DCAF1: variants seen among roughly 807,000 people sequenced by gnomAD.
DCAF1 encodes the protein DDB1- and CUL4-associated factor 1.
A neutral mutation model predicts 128.0 loss-of-function variants in DCAF1; 15 were observed. That is an observed-to-expected ratio of 0.12 (90% CI 0.08 to 0.18). The LOEUF is 0.18. DCAF1 is among the 10% of genes least tolerant of loss of function. DCAF1 has a pLI of 1.00. For synonymous variants in DCAF1, 610 were observed against 603.0 expected (o/e 1.01, Z -0.17); for missense variants, 988 against 1,649.5 (o/e 0.60, Z 6.95).
chr3:51,443,946 A>T, intron 6 of DCAF1, 43 bp from the exon 7 acceptor site: 1 of 1,531,674 alleles, frequency 6.5e-7, no homozygotes, highest in South Asian at 1.3e-5. Context: ...GAAAAAGCCC[A>T]AGTTCATGAT....
At chr3:51,412,109 T>TAAAAAAAA (rs782087400) in intron 23 of DCAF1, among the ~76,000 whole-genome samples, 1 of 29,460 alleles carries the variant, frequency 3.4e-5, no homozygotes, top group African/African-American at 1.4e-4. Context: ...AACTCCATTC[T>TAAAAAAAA]AAAAAAAAAA....
At chr3:51,478,531 T>A (rs1705761552) in intron 3 of DCAF1, among the ~76,000 whole-genome samples, 1 of 152,040 alleles carries the variant, frequency 6.6e-6, no homozygotes, top group Admixed American at 6.6e-5. Flanking sequence ...CATTAATGAC[T>A]CTCCTCCTTT....
Position 51,420,656 on chromosome 3 carries a change from G to C in DCAF1, c.2314C>G (p.Arg772Gly). 1 of 1,614,040 alleles carries C rather than the reference G, an allele frequency of 6.2e-7. No homozygotes were observed. Among genetic ancestry groups the C allele is most frequent in the Non-Finnish European group, 8.5e-7 (1 of 1,179,896 alleles). The change falls in exon 15 of 25, where the codon CGG (arginine) becomes GGG (glycine). Residue 772 changes from arginine to glycine, a missense_variant. Transcript: ENST00000684031. This position sits in a 1 kb window ranked among gnomAD's most constrained non-coding sequence, Gnocchi z 6.5. ...LVGLSRSSTV[R>G]QIISKLPLFS... ...AGGGGCAGTTTACTGATGATCTGCC[G>C]GACAGTGCTACTGCGAGACAGGCCC...
intron 14 of DCAF1, 116 bp from the exon 15 acceptor site, chr3:51,421,113 C>T (rs1212926028): frequency 4.0e-6 from 5 of 1,264,932 alleles, no homozygotes; most frequent in Non-Finnish European, 5.4e-6. Flanking sequence ...AACTATATTA[C>T]TTTTGTAAAA....
chr3:51,484,040 G>A (rs1706607841), intron 2 of DCAF1, among the ~76,000 whole-genome samples: 1 of 152,146 alleles, frequency 6.6e-6, no homozygotes, highest in African/African-American at 2.4e-5. Context: ...CAGTAGTGAT[G>A]AACAAGTACT....
Position 51,398,840 on chromosome 3 carries a change from A to G in DCAF1, c.4466-13T>C, listed in dbSNP as rs782513086. ...TCAGAGCTGTCAGCTGAAAGGGAAGAAAAGGGAGAGACAAGATTACACACT... is the reference window on the plus strand; with the variant it reads ...TCAGAGCTGTCAGCTGAAAGGGAAGGAAAGGGAGAGACAAGATTACACACT... On this transcript the variant is annotated splice_polypyrimidine_tract_variant and intron_variant, in intron 24 of 24. Transcript: ENST00000684031. 2.5e-6 allele frequency: 4 copies of G among 1,577,362 alleles called. No homozygotes were observed. The highest frequency in any genetic ancestry group is 3.4e-6 in the Non-Finnish European group (4 of 1,160,770).
Position 51,398,685 on chromosome 3 carries a change from G to C in DCAF1, c.*84C>G. 2 of 1,519,286 alleles carry C rather than the reference G, an allele frequency of 1.3e-6. No individual in the cohort carries two copies. 94.1% of individuals were successfully genotyped at this position (1,519,286 alleles called of 1,614,324 possible). On this transcript the variant is annotated 3_prime_UTR_variant, in exon 25 of 25. Coordinates refer to ENST00000684031, the MANE Select transcript of DCAF1 (RefSeq NM_001387579.1). ...GCTCCTTAAAAGACAGACAGCCCTGGGAGAAAGAGAAGGGAATATGTTCTG... is the reference window on the plus strand; with the variant it reads ...GCTCCTTAAAAGACAGACAGCCCTGCGAGAAAGAGAAGGGAATATGTTCTG...
chr3:51,441,092 A>C (rs1701317667), intron 8 of DCAF1, 21 bp from the exon 9 acceptor site: 1 of 1,591,678 alleles, frequency 6.3e-7, no homozygotes, highest in Admixed American at 1.8e-5. Flanking sequence ...CACCAAATAC[A>C]AGTCTTAAAT....
chr3:51,495,022 T>A (rs961047927), intron 2 of DCAF1, among the ~76,000 whole-genome samples: 2 of 152,098 alleles, frequency 1.3e-5, no homozygotes, highest in East Asian at 3.9e-4. Flanking sequence ...GTCTCTATTA[T>A]TTAAAAAAAT....
chr3:51,408,960 A>T (rs1295208581), intron 23 of DCAF1, among the ~76,000 whole-genome samples: 6 of 152,142 alleles, frequency 3.9e-5, no homozygotes, highest in Non-Finnish European at 8.8e-5. Context: ...GTCTTCTCTG[A>T]GCTAGAAAGC....
intron 3 of DCAF1, among the ~76,000 whole-genome samples, chr3:51,473,425 C>CTT (rs782196520): frequency 9.4e-5 from 7 of 74,166 alleles, no homozygotes; most frequent in Admixed American, 1.8e-4. Context: ...ACTTTCTAGT[C>CTT]TTTTTTTTTT....
chr3:51,463,793 C>T (rs1703856898), intron 5 of DCAF1, among the ~76,000 whole-genome samples: 1 of 151,942 alleles, frequency 6.6e-6, no homozygotes, highest in Admixed American at 6.6e-5. Flanking sequence ...AAAACAACAA[C>T]AACAACAACA....
At chr3:51,501,556 G>C (rs1247821723), upstream of DCAF1, among the ~76,000 whole-genome samples, 1 of 152,132 alleles carries the variant, frequency 6.6e-6, no homozygotes, top group Non-Finnish European at 1.5e-5. Context: ...CAAGCCTGCT[G>C]CTATGCTCAG....
chr3:51,437,885 AAAAAAAGAAAAAAG>A (rs144999942), intron 9 of DCAF1, among the ~76,000 whole-genome samples: 3 of 152,260 alleles, frequency 2.0e-5, no homozygotes, highest in South Asian at 2.1e-4. Context: ...CTACGCCAGA[AAAAAAAGAAAAAAG>A]AAAAAAGAAA....
chr3:51,438,904 C>T (rs1701099388), intron 9 of DCAF1, among the ~76,000 whole-genome samples: 1 of 152,234 alleles, frequency 6.6e-6, no homozygotes, highest in Non-Finnish European at 1.5e-5. Context: ...AGCCACCGCG[C>T]TGCGCCGAAG....
intron 9 of DCAF1, among the ~76,000 whole-genome samples, chr3:51,433,743 G>A (rs1160405863): frequency 4.6e-5 from 7 of 150,878 alleles, no homozygotes; most frequent in African/African-American, 7.3e-5. Flanking sequence ...GATTACAGGC[G>A]TGAGCCACCA....
intron 5 of DCAF1, among the ~76,000 whole-genome samples, chr3:51,464,477 T>C (rs1703928014): frequency 6.6e-6 from 1 of 151,896 alleles, no homozygotes; most frequent in Non-Finnish European, 1.5e-5. Flanking sequence ...TGAGGATGGC[T>C]TGAGCCCAGG....
chr3:51,411,185 A>G (rs1186754584), intron 23 of DCAF1, among the ~76,000 whole-genome samples: 3 of 150,908 alleles, frequency 2.0e-5, no homozygotes, highest in Non-Finnish European at 4.4e-5. Flanking sequence ...AAAAAAAGAG[A>G]GACAAAGCAC....
rs781864167 is a variant in DCAF1, at chr3:51,413,023, G to A, written c.4080C>T (p.Asp1360=). 2 of 1,613,874 alleles carry A rather than the reference G, an allele frequency of 1.2e-6. No homozygotes were observed. Among genetic ancestry groups the A allele is most frequent in the African/African-American group, 1.3e-5 (1 of 74,934 alleles). Residue 1360 remains aspartate (D), a synonymous_variant, in exon 22 of 25, where the codon GAC becomes GAT. Transcript: ENST00000684031. ...VKRNIFDLCT[D]TKDCYLAVIE... is the part of the protein sequence containing the mutation. ...TGACAGCAAGATAGCAGTCTTTGGT[G>A]TCTGTACACAGGTCAAAGATGTTCC...
Sources: allele counts gnomAD v4.1 joint callset (sites outside exome capture counted in the v4.1 genomes callset), GRCh38; gene constraint gnomAD v4.1.1; non-coding constraint Gnocchi (gnomAD v3.1); transcripts MANE v1.5; gene names NCBI Gene and HGNC (gene_info 2026-07-23, HGNC 2026-07-21).